Variants in GABRB3 observed in about 807,000 individuals in gnomAD.
The protein encoded by GABRB3 is gamma-aminobutyric acid receptor subunit beta-3.
In GABRB3, 14 loss-of-function variants were observed where a neutral mutation model predicts 52.1. The ratio of observed to expected loss-of-function variants is 0.27; its 90% CI spans 0.18 to 0.42. The LOEUF (loss-of-function observed/expected upper bound fraction) is 0.42. Ranked by LOEUF, GABRB3 falls within the 10% of genes least tolerant of loss-of-function variation. The pLI is 1.00. For missense variants in GABRB3, 307 were observed against 609.1 expected (o/e 0.50, Z 5.22); for synonymous variants, 260 against 232.3 (o/e 1.12, Z -1.08).
At chr15:26,612,499 T>C (rs1297242420) in intron 4 of GABRB3, 2 of 152,178 alleles carry the variant, frequency 1.3e-5, no homozygotes, top group African/African-American at 4.8e-5. Context: ...ATTCCACTTC[T>C]AAGAGCATCA....
At chr15:26,719,005 C>A (rs1889574009) in intron 3 of GABRB3, among the ~76,000 whole-genome samples, 1 of 152,256 alleles carries the variant, frequency 6.6e-6, no homozygotes, top group Admixed American at 6.5e-5. Context: ...CTTCACCAGG[C>A]CCCTCTGTGC....
chr15:26,715,567 T>C (rs1395085650), intron 3 of GABRB3, among the ~76,000 whole-genome samples: 2 of 152,208 alleles, frequency 1.3e-5, no homozygotes, highest in African/African-American at 2.4e-5. Context: ...TTGGTAATTA[T>C]GTTGAAGAAA....
At chr15:26,750,159 T>C (rs1010705194) in intron 3 of GABRB3, 2 of 152,228 alleles carry the variant, frequency 1.3e-5, no homozygotes, top group Admixed American at 6.5e-5. Flanking sequence ...GGCTGCGAAA[T>C]TAAAGGAGTT....
chr15:26,594,531 C>G (rs1891325994), intron 4 of GABRB3, among the ~76,000 whole-genome samples: 1 of 152,196 alleles, frequency 6.6e-6, no homozygotes, highest in African/African-American at 2.4e-5. Flanking sequence ...CAATCCCACT[C>G]TATTGCCTAG....
At chr15:26,728,701 C>T (rs898387739) in intron 3 of GABRB3, among the ~76,000 whole-genome samples, 1 of 152,140 alleles carries the variant, frequency 6.6e-6, no homozygotes, top group Admixed American at 6.5e-5. Flanking sequence ...TCTTTCATGA[C>T]GTATTTGCTC....
chr15:26,765,663 A>C (rs1890977360), intron 3 of GABRB3, among the ~76,000 whole-genome samples: 1 of 152,220 alleles, frequency 6.6e-6, no homozygotes, highest in Non-Finnish European at 1.5e-5. Context: ...CGGCTCATAG[A>C]AACAGCCCTG....
rs147756519 is a variant in GABRB3, at chr15:26,711,802, A to G, written c.240+60600T>C. On this transcript the variant is annotated intron_variant, in intron 3 of 8. Coordinates refer to ENST00000311550, the MANE Select transcript of GABRB3 (RefSeq NM_000814.6). ...GTATTGTAATGAAGTAGCGAACGTA[A>G]TGAAATAAACTAATGATTTCACAAT... is the stretch of plus-strand genomic sequence containing the variant. 2.0e-5 allele frequency among the ~76,000 whole-genome samples: 3 copies of G among 152,348 alleles called. No individual in the cohort carries two copies. In the East Asian group the frequency reaches 5.8e-4, roughly 29 times the overall value.
chr15:26,648,181 T>G (rs984056897), intron 3 of GABRB3, among the ~76,000 whole-genome samples: 3 of 152,014 alleles, frequency 2.0e-5, no homozygotes, highest in Admixed American at 1.3e-4. Context: ...ACCTCCATTC[T>G]CCTTTCTGTC....
At chr15:26,659,760 T>G (rs1000274188) in intron 3 of GABRB3, among the ~76,000 whole-genome samples, 1 of 152,194 alleles carries the variant, frequency 6.6e-6, no homozygotes, top group Non-Finnish European at 1.5e-5. Flanking sequence ...AGCATGTTCC[T>G]GGAGAGCAAG....
At chr15:26,615,153 T>C (rs1439494284) in intron 4 of GABRB3, 3 of 371,016 alleles carry the variant, frequency 8.1e-6, no homozygotes, top group Non-Finnish European at 1.1e-5. Context: ...ATGATAACTC[T>C]GCCTTTTTAC....
At chr15:26,653,570 T>G (rs559105543) in intron 3 of GABRB3, among the ~76,000 whole-genome samples, 1 of 152,196 alleles carries the variant, frequency 6.6e-6, no homozygotes, top group South Asian at 2.1e-4. Flanking sequence ...GGAGACTGAT[T>G]TGAGTAATGA....
rs534304777 is a variant in GABRB3, at chr15:26,740,955, C to G, written c.240+31447G>C. On this transcript the variant is annotated intron_variant, in intron 3 of 8. Transcript: ENST00000311550. ...TGGCGGGAGCAGCACGGAGCCGACT[C>G]TGAGTCAGAATTTCAGATGGGCCAG... 3.3e-5 allele frequency among the ~76,000 whole-genome samples: 5 copies of G among 152,228 alleles called. No homozygotes were observed. In the East Asian group the frequency reaches 9.7e-4, roughly 30 times the overall value.
At chr15:26,749,487 A>G (rs376901972) in intron 3 of GABRB3, among the ~76,000 whole-genome samples, 2 of 152,170 alleles carry the variant, frequency 1.3e-5, no homozygotes, top group Admixed American at 6.5e-5. Context: ...AAGAATGTTT[A>G]TTCTGCTTTT....
At chr15:26,574,768 G>T (rs1445962631) in intron 6 of GABRB3, among the ~76,000 whole-genome samples, 3 of 152,130 alleles carry the variant, frequency 2.0e-5, no homozygotes, top group South Asian at 4.1e-4. Flanking sequence ...ATGGATACAG[G>T]GCTTCTTTTT....
intron 4 of GABRB3, among the ~76,000 whole-genome samples, chr15:26,619,069 G>A (rs1892376407): frequency 2.6e-5 from 4 of 151,362 alleles, no homozygotes; most frequent in Admixed American, 2.0e-4. Context: ...CACTGTTGGT[G>A]GGACTGTAAA....
chr15:26,561,326 A>G (rs372693627), intron 7 of GABRB3, 150 bp from the exon 8 acceptor site: 16 of 1,126,734 alleles, frequency 1.4e-5, no homozygotes, highest in Admixed American at 3.6e-5. Context: ...CAGAGCATAC[A>G]TCTTGTCATT....
chr15:26,616,262 C>T (rs74004616), intron 4 of GABRB3, among the ~76,000 whole-genome samples: 27,473 of 152,076 alleles, frequency 0.18, 2,602 homozygotes, highest in African/African-American at 0.26. Flanking sequence ...GTAAAATATA[C>T]AAATGGTACT....
chr15:26,747,004 A>G (rs1566827717), intron 3 of GABRB3, among the ~76,000 whole-genome samples: 1 of 140,958 alleles, frequency 7.1e-6, no homozygotes, highest in Non-Finnish European at 1.6e-5. Flanking sequence ...ATAAACAAAC[A>G]AACAAACAAA....
intron 3 of GABRB3, among the ~76,000 whole-genome samples, chr15:26,762,801 C>G (rs138460585): frequency 4.5e-4 from 68 of 152,304 alleles, no homozygotes; most frequent in African/African-American, 1.4e-3. Flanking sequence ...ACAGGACACA[C>G]ATTAACATTC....
Sources: gnomAD v4.1 joint callset for allele counts (sites outside exome capture counted in the v4.1 genomes callset) on GRCh38, gnomAD v4.1.1 for gene constraint, MANE v1.5 for transcripts, NCBI Gene and HGNC (gene_info 2026-07-23, HGNC 2026-07-21) for gene names.